UGT1A9: variants seen among roughly 807,000 people sequenced by gnomAD.
UGT1A9 encodes UDP glucuronosyltransferase family 1 member A9, also known as UDP-glucuronosyltransferase 1A9.
Under a neutral mutation model 45.0 loss-of-function variants are expected in UGT1A9, and 35 were observed. The ratio of observed to expected loss-of-function variants is 0.78; its 90% CI spans 0.59 to 1.03. The LOEUF (loss-of-function observed/expected upper bound fraction) is 1.03, where lower values mean the gene tolerates loss of function less well. Among genes scored for constraint, UGT1A9 ranks in the 50% least tolerant of loss-of-function variants. The pLI is 0.00. For missense variants in UGT1A9, 687 were observed against 666.6 expected (o/e 1.03, Z -0.34); for synonymous variants, 278 against 250.6 (o/e 1.11, Z -1.03).
intron 1 of UGT1A9, among the ~76,000 whole-genome samples, chr2:233,766,494 G>A (rs1250106940): frequency 2.6e-5 from 4 of 152,182 alleles, no homozygotes; most frequent in African/African-American, 9.7e-5. Flanking sequence ...GGCGTGGCAG[G>A]CCAGGGTGGT....
rs777189828 is a variant in UGT1A9, at chr2:233,672,004, G to C, written c.70G>C (p.Glu24Gln). 6.2e-7 allele frequency: 1 copy of C among 1,614,110 alleles called. No individual in the cohort carries two copies. The change falls in exon 1 of 5, where the codon GAG (glutamate) becomes CAG (glutamine). Residue 24 changes from glutamate (E) to glutamine (Q), a missense_variant. Physicochemically the swap from Glu to Gln is conservative, Grantham distance 29. Transcript: ENST00000354728. ...VCLLLTCGFA[E>Q]AGKLLVVPMD... ...TCTGCTGCTGACCTGTGGCTTTGCC[G>C]AGGCAGGGAAGCTACTGGTAGTGCC...
At chr2:233,677,832 T>C (rs1367285816) in intron 1 of UGT1A9, among the ~76,000 whole-genome samples, 1 of 150,914 alleles carries the variant, frequency 6.6e-6, no homozygotes, top group African/African-American at 2.5e-5. Context: ...ACTAGATATA[T>C]GTAAAAAAAA....
intron 1 of UGT1A9, among the ~76,000 whole-genome samples, chr2:233,749,150 C>G (rs1694128023): frequency 6.6e-6 from 1 of 151,782 alleles, no homozygotes; most frequent in Non-Finnish European, 1.5e-5. Flanking sequence ...ACTTCCATGA[C>G]TTGATCCTTT....
chr2:233,717,734 G>A lies in UGT1A9; in HGVS notation c.855+44945G>A, dbSNP rs563372947. The stretch of plus-strand genomic sequence containing the variant: ...CCTCATGGGCATGAGACCATTGTGA[G>A]TGCTCAGGGTCTCCCCCTAGAAAGG... On this transcript the variant is annotated intron_variant, in intron 1 of 4. Transcript: ENST00000354728. 8.8e-6 allele frequency: 4 copies of A among 456,274 alleles called. No homozygotes were observed. The East Asian group carries it at 2.1e-4, about 24-fold the overall frequency. 28.3% of individuals were successfully genotyped at this position (456,274 alleles called of 1,614,324 possible). A position where few individuals can be genotyped will look rare whatever the true frequency, so the allele number is the denominator to read the frequency against.
At chr2:233,693,105 A>G (rs1433762628) in intron 1 of UGT1A9, 6 of 1,614,188 alleles carry the variant, frequency 3.7e-6, no homozygotes, top group Non-Finnish European at 4.2e-6. Context: ...GTGGTCCCTC[A>G]GGACGGAAGC....
At chr2:233,720,033 T>G (rs13401281) in intron 1 of UGT1A9, among the ~76,000 whole-genome samples, 61,071 of 151,978 alleles carry the variant, frequency 0.4, 13,005 homozygotes, top group African/African-American at 0.54. Context: ...TTTGCTTGCC[T>G]GATTTTCAGC....
At chr2:233,747,468 C>A in intron 1 of UGT1A9, 1 of 1,608,682 alleles carries the variant, frequency 6.2e-7, no homozygotes, top group Non-Finnish European at 8.5e-7. Flanking sequence ...TTCATGGACC[C>A]AGGATGAATT....
chr2:233,674,731 A>G (rs763166012), intron 1 of UGT1A9, among the ~76,000 whole-genome samples: 26 of 152,218 alleles, frequency 1.7e-4, no homozygotes, highest in Non-Finnish European at 2.6e-4. Flanking sequence ...GTGGAAGATT[A>G]CATATATTAA....
intron 1 of UGT1A9, among the ~76,000 whole-genome samples, chr2:233,745,372 T>A (rs1423074391): frequency 1.3e-5 from 2 of 151,860 alleles, no homozygotes; most frequent in Non-Finnish European, 2.9e-5. Flanking sequence ...AGATCTGAGT[T>A]CTCTTCACCT....
At chr2:233,697,058 G>T (rs1287604858) in intron 1 of UGT1A9, among the ~76,000 whole-genome samples, 1 of 151,826 alleles carries the variant, frequency 6.6e-6, no homozygotes, top group Non-Finnish European at 1.5e-5. Context: ...TTGTGTCCTT[G>T]TCTGGTTTTG....
At chr2:233,768,066 C>A in intron 3 of UGT1A9, 130 bp downstream of exon 3, 1 of 1,597,468 alleles carries the variant, frequency 6.3e-7, no homozygotes, top group Non-Finnish European at 8.5e-7. Context: ...TGCTTTTTAT[C>A]TAGTGGGGTA....
chr2:233,728,715 G>A (rs1198511958), intron 1 of UGT1A9, among the ~76,000 whole-genome samples: 1 of 152,204 alleles, frequency 6.6e-6, no homozygotes, highest in African/African-American at 2.4e-5. Context: ...GTCACATCCA[G>A]CAGAGAGCAT....
chr2:233,729,862 G>T lies in UGT1A9; in HGVS notation c.856-37172G>T, dbSNP rs146461519. On this transcript the variant is annotated intron_variant, in intron 1 of 4. Transcript: ENST00000354728. Reference sequence around the variant, plus strand: ...GCTTTTTCAGAGAGAGGTGTCAGTGGTGGATATTCTCAGTCATGCATCTGT... The same window carrying T: ...GCTTTTTCAGAGAGAGGTGTCAGTGTTGGATATTCTCAGTCATGCATCTGT... 816 of 1,613,860 alleles carry T rather than the reference G, an allele frequency of 5.1e-4. 3 individuals are homozygous for T. In the Middle Eastern group the frequency reaches 7.4e-3, roughly 15 times the overall value.
chr2:233,678,481 T>G (rs2074418291), intron 1 of UGT1A9, among the ~76,000 whole-genome samples: 1 of 152,174 alleles, frequency 6.6e-6, no homozygotes, highest in Admixed American at 6.5e-5. Flanking sequence ...GCAGGTGCAC[T>G]TGGTGTAACC....
At chr2:233,683,523 C>T (rs2074638591) in intron 1 of UGT1A9, among the ~76,000 whole-genome samples, 1 of 152,004 alleles carries the variant, frequency 6.6e-6, no homozygotes, top group African/African-American at 2.4e-5. Flanking sequence ...AGTATGGTTG[C>T]TTGGTTTTCA....
intron 4 of UGT1A9, among the ~76,000 whole-genome samples, chr2:233,772,034 G>A (rs1488407782): frequency 1.3e-5 from 2 of 152,152 alleles, no homozygotes; most frequent in African/African-American, 2.4e-5. Context: ...GATGGCTTGA[G>A]CCCAGGAGTT....
intron 1 of UGT1A9, chr2:233,729,946 G>T (rs757885815): frequency 1.2e-6 from 2 of 1,614,002 alleles, no homozygotes; most frequent in Middle Eastern, 1.7e-4. Flanking sequence ...GCCCAACATG[G>T]TCTTCATTGG....
intron 1 of UGT1A9, among the ~76,000 whole-genome samples, chr2:233,764,916 G>T (rs906085592): frequency 6.6e-6 from 1 of 152,212 alleles, no homozygotes; most frequent in Non-Finnish European, 1.5e-5. Flanking sequence ...GAGGACTCAC[G>T]AGGGCCTGGG....
rs1698334430 is a variant in UGT1A9 at position 233,763,527 on chromosome 2, C to G, written c.856-3507C>G. 2.6e-5 allele frequency among the ~76,000 whole-genome samples: 4 copies of G among 152,146 alleles called. No individual in the cohort carries two copies. In the South Asian group the frequency reaches 8.3e-4, roughly 31 times the overall value. The stretch of plus-strand genomic sequence containing the variant: ...ATGTTTAGTTGACTTTGCCATTCTC[C>G]TTTTTCCGGATTTCTACTGGTTGGT... On this transcript the variant is annotated intron_variant, in intron 1 of 4. Coordinates refer to ENST00000354728, the MANE Select transcript of UGT1A9 (RefSeq NM_021027.3).
Sources: gnomAD v4.1 joint callset for allele counts (sites outside exome capture counted in the v4.1 genomes callset) on GRCh38, gnomAD v4.1.1 for gene constraint, MANE v1.5 for transcripts, NCBI Gene and HGNC (gene_info 2026-07-23, HGNC 2026-07-21) for gene names.